AGAP1: variants seen among roughly 807,000 people sequenced by gnomAD.
The protein encoded by AGAP1 is arf-GAP with GTPase, ANK repeat and PH domain-containing protein 1.
AGAP1 carries 29 observed loss-of-function variants against 105.3 expected under a neutral mutation model. The observed-to-expected ratio is 0.28, with a 90% CI of 0.21 to 0.38. The LOEUF is 0.38. Among genes scored for constraint, AGAP1 ranks in the 10% least tolerant of loss-of-function variants. The probability of loss-of-function intolerance (pLI) is 1.00; values close to 1 mark genes in which losing one functional copy is unlikely to be tolerated. For missense variants in AGAP1, 998 were observed against 1,165.1 expected (o/e 0.86, Z 2.09); for synonymous variants, 509 against 485.9 (o/e 1.05, Z -0.63).
intron 1 of AGAP1, among the ~76,000 whole-genome samples, chr2:235,523,672 T>G (rs989087830): frequency 6.6e-6 from 1 of 151,902 alleles, no homozygotes; most frequent in Non-Finnish European, 1.5e-5. Flanking sequence ...GGGGTGGGAA[T>G]GGGTGTCTGC....
At chr2:235,534,441 C>T (rs1943144010) in intron 1 of AGAP1, among the ~76,000 whole-genome samples, 1 of 152,140 alleles carries the variant, frequency 6.6e-6, no homozygotes, top group Non-Finnish European at 1.5e-5. Context: ...TACAGTGGCA[C>T]CTGCATGCAG....
intron 1 of AGAP1, among the ~76,000 whole-genome samples, chr2:235,616,235 C>A (rs540393567): frequency 6.6e-6 from 1 of 152,038 alleles, no homozygotes; most frequent in South Asian, 2.1e-4. Flanking sequence ...GTGACGTGCA[C>A]CTGTAGTCCC....
At position 236,097,380 on chromosome 2, in the gene AGAP1, CTTTTTTTTTT is replaced by C. The variant is rs58882083; in HGVS notation, c.2115-22790_2115-22781del. ...ATAATATAAAATTTGTCATCCTAAT[CTTTTTTTTTT>C]TTTTTTTTTTTTTTTTTTTTTGAGA... On this transcript the variant is annotated intron_variant, in intron 16 of 17. Transcript: ENST00000304032. Among the ~76,000 whole-genome samples, 32 of 48,666 alleles carry C rather than the reference CTTTTTTTTTT, an allele frequency of 6.6e-4. 1 individual carries two copies. Among genetic ancestry groups the C allele is most frequent in the African/African-American group, 1.8e-3 (23 of 13,024 alleles). 31.9% of individuals were successfully genotyped at this position (48,666 alleles called of 152,430 possible). A position where few individuals can be genotyped will look rare whatever the true frequency, so the allele number is the denominator to read the frequency against.
chr2:236,048,949 G>A (rs879851779), intron 15 of AGAP1, 110 bp from the exon 16 acceptor site: 2 of 1,048,816 alleles, frequency 1.9e-6, no homozygotes, highest in African/African-American at 1.6e-5. Flanking sequence ...CCATGGATGT[G>A]GTTCTGTCGT....
chr2:235,763,040 G>A (rs1211458050), intron 6 of AGAP1, among the ~76,000 whole-genome samples: 1 of 132,320 alleles, frequency 7.6e-6, no homozygotes, highest in African/African-American at 2.7e-5. Context: ...GCTCGGGTGT[G>A]TGTGTGTGTG....
Position 235,792,939 on chromosome 2 carries a change from C to T in AGAP1, c.674-4820C>T, listed in dbSNP as rs930174245. 1.3e-5 allele frequency among the ~76,000 whole-genome samples: 2 copies of T among 151,942 alleles called. No individual in the cohort carries two copies. The highest frequency in any genetic ancestry group is 4.2e-4 in the South Asian group (2 of 4,806). Reference sequence around the variant, plus strand: ...GCGAGGAGGTTGCCCAGGCAGAGGGCATGGGAAAAAGGACACCAGGAGGAT... The same window carrying T: ...GCGAGGAGGTTGCCCAGGCAGAGGGTATGGGAAAAAGGACACCAGGAGGAT... On this transcript the variant is annotated intron_variant, in intron 6 of 17. Coordinates refer to ENST00000304032, the MANE Select transcript of AGAP1 (RefSeq NM_001037131.3). The surrounding 1 kb of genome is among the most constrained non-coding windows in gnomAD (Gnocchi z 5.3).
chr2:235,495,087 TAG>T (rs996219849), intron 1 of AGAP1, among the ~76,000 whole-genome samples: 1 of 152,090 alleles, frequency 6.6e-6, no homozygotes, highest in Admixed American at 6.5e-5. Flanking sequence ...TCGTGGACAA[TAG>T]AGTCTCTCCT....
chr2:235,606,292 A>G (rs1368714351), intron 1 of AGAP1, among the ~76,000 whole-genome samples: 1 of 152,204 alleles, frequency 6.6e-6, no homozygotes, highest in African/African-American at 2.4e-5. Flanking sequence ...GTTCTCCACA[A>G]CAGCAGACCG....
intron 9 of AGAP1, among the ~76,000 whole-genome samples, chr2:235,827,271 G>A (rs1959122912): frequency 6.6e-6 from 1 of 152,154 alleles, no homozygotes; most frequent in Non-Finnish European, 1.5e-5. Flanking sequence ...GAGTGAAATT[G>A]ATTCTCCACG....
At chr2:235,687,847 ATT>A (rs778963144) in intron 1 of AGAP1, among the ~76,000 whole-genome samples, 22 of 106,842 alleles carry the variant, frequency 2.1e-4, no homozygotes, top group Non-Finnish European at 4.2e-4. Flanking sequence ...GTGTTCCTGG[ATT>A]TTTTTTTTCT....
At chr2:236,016,907 A>G (rs1378698768) in intron 13 of AGAP1, among the ~76,000 whole-genome samples, 1 of 152,218 alleles carries the variant, frequency 6.6e-6, no homozygotes, top group Non-Finnish European at 1.5e-5. Context: ...TTCAATTAAA[A>G]GACAGCATTC....
chr2:235,511,535 C>T (rs1176370028), intron 1 of AGAP1, among the ~76,000 whole-genome samples: 2 of 152,208 alleles, frequency 1.3e-5, no homozygotes, highest in East Asian at 3.9e-4. Context: ...CTCTTTATGA[C>T]TAACTGCCTG....
At chr2:235,812,674 A>G (rs1191447554) in intron 9 of AGAP1, among the ~76,000 whole-genome samples, 1 of 152,198 alleles carries the variant, frequency 6.6e-6, no homozygotes, top group Non-Finnish European at 1.5e-5. Flanking sequence ...TAGAGATCGG[A>G]GGAGATGGAG....
chr2:235,884,318 C>T (rs2050166459), intron 10 of AGAP1, among the ~76,000 whole-genome samples: 1 of 152,148 alleles, frequency 6.6e-6, no homozygotes, highest in Non-Finnish European at 1.5e-5. Context: ...CTGAGAGTAT[C>T]ATCCTCTATA....
Position 236,079,488 on chromosome 2 carries a change from C to T in AGAP1, c.2114+30207C>T, listed in dbSNP as rs146462835. 2.0e-3 allele frequency among the ~76,000 whole-genome samples: 306 copies of T among 149,982 alleles called. 1 individual carries two copies. Among genetic ancestry groups the T allele is most frequent in the African/African-American group, 6.9e-3 (283 of 40,844 alleles). ...ATTTAAGGCTGCAGTGAGCTGTGAT[C>T]GTGCCACTGCATTCCAGCCTGGGTG... On this transcript the variant is annotated intron_variant, in intron 16 of 17. Transcript: ENST00000304032.
rs138600515 is a variant in AGAP1 at position 235,906,341 on chromosome 2, G to C, written c.1156-2397G>C. 3.9e-5 allele frequency among the ~76,000 whole-genome samples: 6 copies of C among 152,286 alleles called. No individual in the cohort carries two copies. The East Asian group carries it at 1.2e-3, about 29-fold the overall frequency. ...AGCACAGTTTCTGATCCTTTCTCCA[G>C]TGGTCTTCAGCCCATTGTTCTTCCT... is the stretch of plus-strand genomic sequence containing the variant. On this transcript the variant is annotated intron_variant, in intron 10 of 17. Coordinates refer to ENST00000304032, the MANE Select transcript of AGAP1 (RefSeq NM_001037131.3). The surrounding 1 kb of genome is among the most constrained non-coding windows in gnomAD (Gnocchi z 5.3).
At chr2:235,987,506 AT>A (rs3030714) in intron 13 of AGAP1, among the ~76,000 whole-genome samples, 2,869 of 120,122 alleles carry the variant, frequency 0.024, 50 homozygotes, top group African/African-American at 0.068. Flanking sequence ...GGATTCATTG[AT>A]TTTTTTTTTT....
intron 12 of AGAP1, among the ~76,000 whole-genome samples, chr2:235,941,305 G>C (rs2053247103): frequency 6.6e-6 from 1 of 152,162 alleles, no homozygotes; most frequent in Non-Finnish European, 1.5e-5. Flanking sequence ...GGATTATGTA[G>C]ATTAGATACA....
Position 236,090,136 on chromosome 2 carries a change from G to T in AGAP1, c.2115-30056G>T, listed in dbSNP as rs1559264805. On this transcript the variant is annotated intron_variant, in intron 16 of 17. Transcript: ENST00000304032. The surrounding 1 kb of genome is among the most constrained non-coding windows in gnomAD (Gnocchi z 4.3). Reference sequence around the variant, plus strand: ...GCGCCTGAGCCCTTCACAGAGACCGGCCGTGTCCTCACCCCTCTGTCACCA... The same window carrying T: ...GCGCCTGAGCCCTTCACAGAGACCGTCCGTGTCCTCACCCCTCTGTCACCA... 6.6e-6 allele frequency among the ~76,000 whole-genome samples: 1 copy of T among 152,160 alleles called. No individual in the cohort carries two copies. Among genetic ancestry groups the T allele is most frequent in the Non-Finnish European group, 1.5e-5 (1 of 68,040 alleles).
Sources: gnomAD v4.1 joint callset for allele counts (sites outside exome capture counted in the v4.1 genomes callset) on GRCh38, gnomAD v4.1.1 for gene constraint, Gnocchi (gnomAD v3.1) non-coding constraint, MANE v1.5 for transcripts, NCBI Gene and HGNC (gene_info 2026-07-23, HGNC 2026-07-21) for gene names.